The following IL3RA variants were observed in gnomAD, a reference collection of about 807,000 sequenced individuals.
IL3RA encodes the protein interleukin-3 receptor subunit alpha.
Under a neutral mutation model 52.3 loss-of-function variants are expected in IL3RA, and 73 were observed. The observed-to-expected ratio is 1.40, with a 90% CI of 1.16 to 1.70. IL3RA has a LOEUF of 1.70. Among genes scored for constraint, IL3RA ranks in the 40% most tolerant of loss-of-function variants. The probability of loss-of-function intolerance (pLI) is 0.00; values close to 1 mark genes in which losing one functional copy is unlikely to be tolerated. For missense variants in IL3RA, 664 were observed against 504.4 expected (o/e 1.32, Z -3.03); for synonymous variants, 260 against 194.0 (o/e 1.34, Z -2.83).
intron 4 of IL3RA, among the ~76,000 whole-genome samples, chrX:1,349,383 T>C (rs1276734756): frequency 6.6e-6 from 1 of 151,984 alleles, no homozygotes; most frequent in Middle Eastern, 3.4e-3. Flanking sequence ...GGTTTCACCA[T>C]GTTGGTCAGG....
At chrX:1,350,499 G>T (rs1396001893) in intron 4 of IL3RA, among the ~76,000 whole-genome samples, 1 of 150,848 alleles carries the variant, frequency 6.6e-6, no homozygotes, top group Non-Finnish European at 1.5e-5. Flanking sequence ...TGAGGCAGGA[G>T]AATCACTTGA....
intron 2 of IL3RA, among the ~76,000 whole-genome samples, chrX:1,342,810 C>G (rs144745502): frequency 6.7e-6 from 1 of 148,158 alleles, no homozygotes; most frequent in African/African-American, 2.5e-5. Flanking sequence ...CCGCCTGCCT[C>G]GGGGTTGGGA....
chrX:1,341,828 A>G lies in IL3RA; in HGVS notation c.63A>G (p.Glu21=), dbSNP rs1310069786. The change falls in exon 2 of 12, where the codon GAA becomes GAG. Residue 21 remains glutamate, a splice_region_variant and synonymous_variant. Transcript: ENST00000331035. ...IALPCLLQTK[E]DPNPPITNLR... Reference sequence around the variant, plus strand: ...TGCCCTGTCTCCTGCAAACGAAGGAAGGTAAGAACTGGAGAAAAAATGCAC... The same window carrying G: ...TGCCCTGTCTCCTGCAAACGAAGGAGGGTAAGAACTGGAGAAAAAATGCAC... The G allele has an allele frequency of 1.2e-6, 2 of 1,613,874 alleles. No homozygotes were observed. Among genetic ancestry groups the G allele is most frequent in the Non-Finnish European group, 1.7e-6 (2 of 1,179,834 alleles).
At chrX:1,356,063 A>T (rs1331933652) in intron 6 of IL3RA, among the ~76,000 whole-genome samples, 158 bp from the exon 7 acceptor site, 1 of 151,524 alleles carries the variant, frequency 6.6e-6, no homozygotes, top group Non-Finnish European at 1.5e-5. Flanking sequence ...CTGCCTGTAG[A>T]GTTTCTTTGT....
chrX:1,346,358 G>A (rs1329657566), intron 3 of IL3RA, among the ~76,000 whole-genome samples: 4 of 151,956 alleles, frequency 2.6e-5, no homozygotes, highest in African/African-American at 9.7e-5. Flanking sequence ...AGAATCGCTT[G>A]AACCCGGGAG....
chrX:1,341,705 C>A, intron 1 of IL3RA, 23 bp from the exon 2 acceptor site: 1 of 1,596,978 alleles, frequency 6.3e-7, no homozygotes. Flanking sequence ...GTCCCCGCTG[C>A]CTGACTCTCG....
At chrX:1,362,111 T>C (rs186143574) in intron 8 of IL3RA, among the ~76,000 whole-genome samples, 84 of 151,052 alleles carry the variant, frequency 5.6e-4, no homozygotes, top group Non-Finnish European at 9.9e-4. Context: ...TCACCCACTC[T>C]GTCTCTTTGT....
At chrX:1,360,747 C>T (rs1219200631) in intron 8 of IL3RA, among the ~76,000 whole-genome samples, 14 of 151,600 alleles carry the variant, frequency 9.2e-5, no homozygotes, top group East Asian at 7.8e-4. Flanking sequence ...AGGCTGGTCT[C>T]GAACTCCTGA....
chrX:1,357,437 T>C lies in IL3RA; in HGVS notation c.732+1101T>C, dbSNP rs758352736. ...GTGCAGTGGCATGATCTCAGCTCAC[T>C]GTAACCTCCGCCTCTCGGGTTCAAC... On this transcript the variant is annotated intron_variant, in intron 7 of 11. Coordinates refer to ENST00000331035, the MANE Select transcript of IL3RA (RefSeq NM_002183.4). Among the ~76,000 whole-genome samples the C allele has an allele frequency of 2.0e-5, 3 of 152,154 alleles. No individual in the cohort carries two copies. In the South Asian group the frequency reaches 6.2e-4, roughly 32 times the overall value.
chrX:1,345,119 G>C (rs1466551253), intron 2 of IL3RA, among the ~76,000 whole-genome samples, 197 bp from the exon 3 acceptor site: 1 of 151,154 alleles, frequency 6.6e-6, no homozygotes, highest in African/African-American at 2.4e-5. Context: ...AGTGAGCTGA[G>C]ATCGTGCCAC....
chrX:1,350,824 G>T (rs28523476), intron 4 of IL3RA, among the ~76,000 whole-genome samples: 4 of 151,856 alleles, frequency 2.6e-5, no homozygotes, highest in Middle Eastern at 3.4e-3. Context: ...ACTTGAACCT[G>T]GGAGGCGGAG....
chrX:1,345,916 G>C lies in IL3RA; in HGVS notation c.183+482G>C, dbSNP rs17884584. ...CCCGAAGTCAGGTGTGGGATTTGAA[G>C]TGACTTTGGAGGGTCTGGTTCCCCG... On this transcript the variant is annotated intron_variant, in intron 3 of 11. Transcript: ENST00000331035. Among the ~76,000 whole-genome samples the C allele has an allele frequency of 2.5e-3, 385 of 152,146 alleles. 1 individual carries two copies. The highest frequency in any genetic ancestry group is 3.6e-3 in the Non-Finnish European group (245 of 68,028).
chrX:1,367,985 G>T (rs1467370905), intron 9 of IL3RA, among the ~76,000 whole-genome samples: 1 of 152,016 alleles, frequency 6.6e-6, no homozygotes, highest in Non-Finnish European at 1.5e-5. Context: ...AAACAAGGTC[G>T]TCCCACTGAC....
At chrX:1,382,348 C>T (rs1270493348) in intron 11 of IL3RA, 43 bp from the exon 12 acceptor site, 1 of 1,450,684 alleles carries the variant, frequency 6.9e-7, no homozygotes, top group Admixed American at 1.9e-5. Context: ...GCTCTGTTAT[C>T]TGGGGGGTGG....
At chrX:1,348,281 AG>A (rs2085862143) in intron 3 of IL3RA, 149 bp from the exon 4 acceptor site, 1 of 671,834 alleles carries the variant, frequency 1.5e-6, no homozygotes, top group Non-Finnish European at 2.7e-6. Flanking sequence ...TGAACCCGGG[AG>A]GGAGAGGCTG....
intron 2 of IL3RA, 30 bp downstream of exon 2, chrX:1,341,859 A>G: frequency 6.2e-7 from 1 of 1,610,244 alleles, no homozygotes; most frequent in African/African-American, 1.3e-5. Context: ...TGCACGTGCC[A>G]CCTGGGGAGC....
intron 3 of IL3RA, among the ~76,000 whole-genome samples, chrX:1,346,388 G>A (rs767223513): frequency 2.2e-4 from 33 of 152,004 alleles, no homozygotes; most frequent in Admixed American, 1.5e-3. Flanking sequence ...GCATTGAGCC[G>A]AGACTGTGCC....
chrX:1,352,257 C>T (rs200642323), intron 5 of IL3RA, 25 bp downstream of exon 5: 6 of 1,613,062 alleles, frequency 3.7e-6, no homozygotes, highest in Admixed American at 1.7e-5. Flanking sequence ...GGGCAGAGGC[C>T]GGGCTGTCCC....
At chrX:1,370,871 A>G (rs2088538394) in intron 9 of IL3RA, among the ~76,000 whole-genome samples, 1 of 50,688 alleles carries the variant, frequency 2.0e-5, no homozygotes, top group Non-Finnish European at 3.5e-5. Flanking sequence ...CACTGCCCAC[A>G]CCTGGATCTC....
Sources: allele counts gnomAD v4.1 joint callset (sites outside exome capture counted in the v4.1 genomes callset), GRCh38; gene constraint gnomAD v4.1.1; transcripts MANE v1.5; gene names NCBI Gene and HGNC (gene_info 2026-07-23, HGNC 2026-07-21).